NUP214: variants seen among roughly 807,000 people sequenced by gnomAD.
NUP214 encodes the protein nucleoporin 214.
In NUP214, 79 loss-of-function variants were observed where a neutral mutation model predicts 196.2. The observed-to-expected ratio is 0.40, with a 90% CI of 0.34 to 0.49. NUP214 has a LOEUF of 0.49. NUP214 is among the 20% of genes least tolerant of loss of function. NUP214 has a pLI of 0.58. For missense variants in NUP214, 2,468 were observed against 2,539.0 expected, an observed-to-expected ratio of 0.97 and a Z score of 0.60; for synonymous variants, 1,020 against 990.5, an observed-to-expected ratio of 1.03 and a Z score of -0.56.
chr9:131,141,036 G>A (rs1831896828), intron 11 of NUP214, among the ~76,000 whole-genome samples: 1 of 151,892 alleles, frequency 6.6e-6, no homozygotes, highest in Non-Finnish European at 1.5e-5. Flanking sequence ...TAATCATGGG[G>A]GTTGGTTAAA....
intron 21 of NUP214, among the ~76,000 whole-genome samples, chr9:131,172,750 T>C (rs1202995641): frequency 6.6e-6 from 1 of 152,216 alleles, no homozygotes; most frequent in Admixed American, 6.5e-5. Context: ...CCGTAGCACA[T>C]AGCATTGGTT....
chr9:131,225,589 A>G (rs914188633), intron 32 of NUP214, among the ~76,000 whole-genome samples: 28 of 152,220 alleles, frequency 1.8e-4, no homozygotes, highest in African/African-American at 6.5e-4. Context: ...ACTAGTAACC[A>G]TAAACATCAA....
intron 17 of NUP214, among the ~76,000 whole-genome samples, chr9:131,158,599 A>G (rs1232443922): frequency 6.6e-6 from 1 of 152,228 alleles, no homozygotes; most frequent in African/African-American, 2.4e-5. Context: ...TATGCTGTGA[A>G]TAGATAGGTT....
chr9:131,158,875 T>C (rs2133542644), intron 17 of NUP214: 1 of 152,844 alleles, frequency 6.5e-6, no homozygotes, highest in Admixed American at 6.5e-5. Context: ...GCCTCCTGAG[T>C]AGCTGGGATT....
intron 29 of NUP214, among the ~76,000 whole-genome samples, 163 bp downstream of exon 29, chr9:131,199,178 T>C (rs1424430024): frequency 1.3e-5 from 2 of 152,232 alleles, no homozygotes; most frequent in Middle Eastern, 6.3e-3. Context: ...AGGAACTTGT[T>C]TGGCCTAATT....
chr9:131,208,100 G>T (rs1389095661), intron 30 of NUP214, among the ~76,000 whole-genome samples: 1 of 152,132 alleles, frequency 6.6e-6, no homozygotes, highest in Non-Finnish European at 1.5e-5. Context: ...ATGATACAAA[G>T]AAATTAGAAC....
At chr9:131,131,073 T>A (rs1461731277) in intron 5 of NUP214, among the ~76,000 whole-genome samples, 1 of 152,238 alleles carries the variant, frequency 6.6e-6, no homozygotes, top group Non-Finnish European at 1.5e-5. Flanking sequence ...ATACAAATAG[T>A]CTATGGGTAG....
chr9:131,135,470 A>G (rs187337488), intron 8 of NUP214, among the ~76,000 whole-genome samples: 38 of 152,252 alleles, frequency 2.5e-4, no homozygotes, highest in African/African-American at 8.9e-4. Context: ...TGTTTCCCCA[A>G]TCTTGAATTA....
chr9:131,127,789 A>C (rs1338452455), intron 2 of NUP214, 70 bp downstream of exon 2: 19 of 1,171,526 alleles, frequency 1.6e-5, no homozygotes, highest in Non-Finnish European at 2.0e-5. Context: ...TTTCCTTCCC[A>C]AGAAGTCATT....
intron 30 of NUP214, among the ~76,000 whole-genome samples, chr9:131,208,558 G>A (rs932219760): frequency 8.5e-5 from 13 of 152,216 alleles, no homozygotes; most frequent in East Asian, 7.7e-4. Flanking sequence ...TTATCCAGGC[G>A]TGGTGGCGGG....
rs1319249528 is a variant in NUP214, at chr9:131,146,261, T to A, written c.1902T>A (p.Pro634=). The change falls in exon 13 of 36, where the codon CCT becomes CCA. Residue 634 remains proline, a synonymous_variant. Transcript: ENST00000359428. This position sits in a 1 kb window ranked among gnomAD's most constrained non-coding sequence, Gnocchi z 4.6. The part of the protein sequence containing the change: ...LSHPTPLSAP[P]SSVPLKSSVL... ...ACCCCACACCTCTCTCAGCACCACC[T>A]AGTTCCGTGCCATTGAAGTCCTCAG... is the stretch of plus-strand genomic sequence containing the variant. 2 of 1,614,156 alleles carry A rather than the reference T, an allele frequency of 1.2e-6. No homozygotes were observed. The highest frequency in any genetic ancestry group is 4.5e-5 in the East Asian group (2 of 44,886).
intron 34 of NUP214, 83 bp downstream of exon 34, chr9:131,230,852 G>T: frequency 6.8e-7 from 1 of 1,467,526 alleles, no homozygotes; most frequent in South Asian, 1.2e-5. Context: ...TGTTTTACCT[G>T]ACCAGTCTGT....
chr9:131,194,443 G>T (rs959815259), intron 27 of NUP214, among the ~76,000 whole-genome samples: 2 of 152,092 alleles, frequency 1.3e-5, no homozygotes, highest in African/African-American at 4.8e-5. Flanking sequence ...CCACCATGTT[G>T]CCTAGGCTGG....
At chr9:131,132,723 A>C in intron 6 of NUP214, 64 bp downstream of exon 6, 1 of 1,365,536 alleles carries the variant, frequency 7.3e-7, no homozygotes, top group South Asian at 1.2e-5. Flanking sequence ...ACAGAAATTC[A>C]AAATCATGTA....
Position 131,195,269 on chromosome 9 carries a change from G to A in NUP214, c.3696G>A (p.Pro1232=), listed in dbSNP as rs141249502. The change falls in exon 28 of 36, where the codon CCG becomes CCA. Residue 1232 remains proline, a synonymous_variant. Transcript: ENST00000359428. ...ATTTTGGGATAATCACACCAACACC[G>A]TCTTCTAATTTCACTGCTGCACAAG... ...GFNFGIITPT[P]SSNFTAAQGA... 1,429 of 1,613,288 alleles carry A rather than the reference G, an allele frequency of 8.9e-4. 2 individuals carry two copies. Among genetic ancestry groups the A allele is most frequent in the Admixed American group, 1.8e-3 (110 of 59,960 alleles).
chr9:131,127,443 A>G, intron 1 of NUP214, 81 bp from the exon 2 acceptor site: 3 of 1,104,268 alleles, frequency 2.7e-6, no homozygotes, highest in Non-Finnish European at 4.0e-6. Flanking sequence ...TTTTTGTTGT[A>G]CTGAAATTGG....
rs191247047 is a variant in NUP214 at position 131,216,486 on chromosome 9, A to G, written c.5749+1118A>G. On this transcript the variant is annotated intron_variant, in intron 31 of 35. Coordinates refer to ENST00000359428, the MANE Select transcript of NUP214 (RefSeq NM_005085.4). ...CATGATCCGCCTGCCTTGGCCTCCC[A>G]AAGTGCTGGGATTACAGGCGTGAAC... is the stretch of plus-strand genomic sequence containing the variant. Among the ~76,000 whole-genome samples, 502 of 149,246 alleles carry G rather than the reference A, an allele frequency of 3.4e-3. 3 individuals are homozygous for G. The highest frequency in any genetic ancestry group is 6.2e-3 in the Non-Finnish European group (416 of 67,618).
chr9:131,208,579 C>T (rs1158122741), intron 30 of NUP214, among the ~76,000 whole-genome samples: 1 of 152,162 alleles, frequency 6.6e-6, no homozygotes, highest in Non-Finnish European at 1.5e-5. Context: ...TGCCTGTAGT[C>T]CCAGCTACTC....
Position 131,128,472 on chromosome 9 carries a change from T to C in NUP214, c.382T>C (p.Phe128Leu). The C allele has an allele frequency of 1.9e-6, 3 of 1,612,582 alleles. No homozygotes were observed. The highest frequency in any genetic ancestry group is 2.5e-6 in the Non-Finnish European group (3 of 1,179,042). ...TATTGCTTTTTTTGATGTTCGCACA[T>C]TCTCAAATGAGGTAAGCTACTGTTA... is the stretch of plus-strand genomic sequence containing the variant. ...SIIAFFDVRT[F>L]SNEAKQQKRP... Residue 128 changes from phenylalanine to leucine, a missense_variant, in exon 3 of 36, where the codon TTC becomes CTC. Physicochemically the swap from Phe to Leu is conservative, Grantham distance 22 (BLOSUM62 0). Coordinates refer to ENST00000359428, the MANE Select transcript of NUP214 (RefSeq NM_005085.4).
Sources: gnomAD v4.1 joint callset for allele counts (sites outside exome capture counted in the v4.1 genomes callset) on GRCh38, gnomAD v4.1.1 for gene constraint, Gnocchi (gnomAD v3.1) non-coding constraint, MANE v1.5 for transcripts, NCBI Gene and HGNC (gene_info 2026-07-23, HGNC 2026-07-21) for gene names.